SLMAP: variants seen among roughly 807,000 people sequenced by gnomAD.
SLMAP encodes sarcolemma associated protein.
In SLMAP, 44 loss-of-function variants were observed where a neutral mutation model predicts 128.8. The ratio of observed to expected loss-of-function variants is 0.34; its 90% CI spans 0.27 to 0.44. SLMAP has a LOEUF of 0.44. Ranked by LOEUF, SLMAP falls within the 20% of genes least tolerant of loss-of-function variation. SLMAP has a pLI of 1.00. For missense variants in SLMAP, 787 were observed against 985.3 expected, an observed-to-expected ratio of 0.80 and a Z score of 2.69; for synonymous variants, 327 against 348.8, an observed-to-expected ratio of 0.94 and a Z score of 0.70.
intron 2 of SLMAP, among the ~76,000 whole-genome samples, chr3:57,758,884 A>G (rs2078082283): frequency 6.6e-6 from 1 of 152,230 alleles, no homozygotes; most frequent in Non-Finnish European, 1.5e-5. Context: ...ATGTAAGACT[A>G]ATAGGACTGT....
intron 14 of SLMAP, among the ~76,000 whole-genome samples, chr3:57,886,200 T>A (rs1177245382): frequency 6.6e-6 from 1 of 151,114 alleles, no homozygotes; most frequent in African/African-American, 2.4e-5. Flanking sequence ...GCCACCCAGG[T>A]TGAAGCAATT....
intron 2 of SLMAP, among the ~76,000 whole-genome samples, chr3:57,807,728 A>T (rs2090165775): frequency 1.3e-5 from 2 of 151,596 alleles, no homozygotes; most frequent in South Asian, 4.2e-4. Flanking sequence ...CGATGGCCTG[A>T]AGTTTTCTTT....
At chr3:57,901,019 T>G (rs1458014063) in intron 17 of SLMAP, 1 of 152,222 alleles carries the variant, frequency 6.6e-6, no homozygotes, top group African/African-American at 2.4e-5. Context: ...AGTGCCCTAG[T>G]GAAATTTAAC....
At chr3:57,859,897 A>T (rs1025268414) in intron 8 of SLMAP, among the ~76,000 whole-genome samples, 1 of 152,214 alleles carries the variant, frequency 6.6e-6, no homozygotes, top group Admixed American at 6.5e-5. Context: ...TATGTTTTCT[A>T]CGGGGAAAGC....
chr3:57,855,712 AAAAAAAAAAAAAAC>A (rs1302034330), intron 6 of SLMAP, among the ~76,000 whole-genome samples: 1 of 53,136 alleles, frequency 1.9e-5, no homozygotes, highest in Non-Finnish European at 3.8e-5. Flanking sequence ...CCCATCTGTT[AAAAAAAAAAAAAAC>A]AAAAAAAAAA....
chr3:57,894,633 A>G (rs1167391347), intron 15 of SLMAP, among the ~76,000 whole-genome samples: 1 of 152,224 alleles, frequency 6.6e-6, no homozygotes, highest in Admixed American at 6.5e-5. Flanking sequence ...AATTGAGGAA[A>G]CAAAAGACAC....
At chr3:57,795,564 A>T (rs2153481538) in intron 2 of SLMAP, among the ~76,000 whole-genome samples, 1 of 152,230 alleles carries the variant, frequency 6.6e-6, no homozygotes, top group South Asian at 2.1e-4. Context: ...GAAAAGAAAA[A>T]TTGGATTATC....
At chr3:57,911,744 G>A (rs566783393) in intron 19 of SLMAP, among the ~76,000 whole-genome samples, 1 of 152,082 alleles carries the variant, frequency 6.6e-6, no homozygotes, top group East Asian at 1.9e-4. Context: ...GACTTCAAAG[G>A]AAAATAAAGC....
At chr3:57,761,709 G>A (rs563320956) in intron 2 of SLMAP, among the ~76,000 whole-genome samples, 2 of 152,244 alleles carry the variant, frequency 1.3e-5, no homozygotes, top group South Asian at 2.1e-4. Flanking sequence ...TTCACTTTGT[G>A]GTGACTGTTG....
intron 2 of SLMAP, among the ~76,000 whole-genome samples, chr3:57,826,053 A>G (rs574986115): frequency 6.6e-6 from 1 of 152,216 alleles, no homozygotes; most frequent in South Asian, 2.1e-4. Flanking sequence ...TATGGTTTTA[A>G]AAAATTTTAC....
chr3:57,853,882 G>A (rs1300781074), intron 6 of SLMAP, among the ~76,000 whole-genome samples: 2 of 143,406 alleles, frequency 1.4e-5, no homozygotes, highest in East Asian at 2.1e-4. Flanking sequence ...CGGAGGCTGC[G>A]GTGAGCCGAG....
chr3:57,758,715 T>A (rs551630016), intron 2 of SLMAP, among the ~76,000 whole-genome samples: 2 of 152,346 alleles, frequency 1.3e-5, no homozygotes, highest in South Asian at 2.1e-4. Context: ...ACTATACATG[T>A]ATGTGCTTTT....
At chr3:57,868,292 A>C (rs527281975) in intron 13 of SLMAP, among the ~76,000 whole-genome samples, 1 of 152,180 alleles carries the variant, frequency 6.6e-6, no homozygotes, top group African/African-American at 2.4e-5. Context: ...TGAGAGCCAC[A>C]TACATAATTT....
chr3:57,790,151 T>A (rs1384704034), intron 2 of SLMAP, among the ~76,000 whole-genome samples: 1 of 152,164 alleles, frequency 6.6e-6, no homozygotes, highest in Non-Finnish European at 1.5e-5. Context: ...ATGTTCTGAG[T>A]TCTTAAAGCC....
At position 57,929,764 on chromosome 3, in the gene SLMAP, G is replaced by A. The variant is rs2097051636; in HGVS notation, c.*2475G>A. Among the ~76,000 whole-genome samples, 1 of 152,190 alleles carries A rather than the reference G, an allele frequency of 6.6e-6. No homozygotes were observed. Among genetic ancestry groups the A allele is most frequent in the South Asian group, 2.1e-4 (1 of 4,834 alleles). On this transcript the variant is annotated 3_prime_UTR_variant, in exon 25 of 25. Transcript: ENST00000671191. ...TTGGTTCTACCTTTTATCAGATGTT[G>A]TTGCCTTGTGCAAATCACATTTTCT...
At chr3:57,887,378 C>T (rs528268836) in intron 14 of SLMAP, among the ~76,000 whole-genome samples, 8 of 151,964 alleles carry the variant, frequency 5.3e-5, no homozygotes, top group Admixed American at 2.0e-4. Context: ...TACAGACATG[C>T]GCCACCACAT....
At chr3:57,878,506 G>C (rs1183041399) in intron 14 of SLMAP, among the ~76,000 whole-genome samples, 1 of 152,168 alleles carries the variant, frequency 6.6e-6, no homozygotes, top group African/African-American at 2.4e-5. Flanking sequence ...GAGGGATCTT[G>C]ATGTGAATTC....
intron 15 of SLMAP, among the ~76,000 whole-genome samples, chr3:57,895,251 A>G (rs1327588255): frequency 1.3e-5 from 2 of 152,190 alleles, no homozygotes; most frequent in African/African-American, 4.8e-5. Flanking sequence ...TTCTGAGGAC[A>G]GTTCTTTGAA....
chr3:57,811,324 G>C lies in SLMAP; in HGVS notation c.199-20059G>C, dbSNP rs112395675. On this transcript the variant is annotated intron_variant, in intron 2 of 24. Transcript: ENST00000671191. Reference sequence around the variant, plus strand: ...GGACCCCTGAAACTACCTCAAATAAGAGGAATTATGTAGTATTTTGTCTTT... The same window carrying C: ...GGACCCCTGAAACTACCTCAAATAACAGGAATTATGTAGTATTTTGTCTTT... 3.2e-3 allele frequency among the ~76,000 whole-genome samples: 486 copies of C among 152,208 alleles called. 3 individuals carry two copies. Among genetic ancestry groups the C allele is most frequent in the African/African-American group, 0.011 (465 of 41,520 alleles).
Sources: allele counts gnomAD v4.1 joint callset (sites outside exome capture counted in the v4.1 genomes callset), GRCh38; gene constraint gnomAD v4.1.1; transcripts MANE v1.5; gene names NCBI Gene and HGNC (gene_info 2026-07-23, HGNC 2026-07-21).